The following STK24 variants were observed in gnomAD, a reference collection of about 807,000 sequenced individuals.
STK24 encodes serine/threonine-protein kinase 24.
A neutral mutation model predicts 55.6 loss-of-function variants in STK24; 21 were observed. That is an observed-to-expected ratio of 0.38 (90% CI 0.27 to 0.54). The LOEUF (loss-of-function observed/expected upper bound fraction) is 0.54, where lower values mean the gene tolerates loss of function less well. Ranked by LOEUF, STK24 falls within the 20% of genes least tolerant of loss-of-function variation. STK24 has a pLI of 0.79. For missense variants in STK24, 383 were observed against 538.4 expected (o/e 0.71, Z 2.86); for synonymous variants, 200 against 215.2 (o/e 0.93, Z 0.62).
chr13:98,518,300 T>G (rs1346793015), intron 2 of STK24, among the ~76,000 whole-genome samples: 1 of 152,224 alleles, frequency 6.6e-6, no homozygotes, highest in Non-Finnish European at 1.5e-5. Flanking sequence ...CACGCTCCCT[T>G]CTCACATCAG....
At chr13:98,564,118 C>T (rs919695657) in intron 1 of STK24, among the ~76,000 whole-genome samples, 1 of 152,108 alleles carries the variant, frequency 6.6e-6, no homozygotes, top group African/African-American at 2.4e-5. Flanking sequence ...ACATAAAAGC[C>T]AACATCCCAA....
chr13:98,468,806 C>T, intron 5 of STK24, among the ~76,000 whole-genome samples: 1 of 152,266 alleles, frequency 6.6e-6, no homozygotes, highest in East Asian at 1.9e-4. Flanking sequence ...GGATCCCCCT[C>T]ACCTCAAACA....
At chr13:98,515,101 GAAA>G (rs5806066) in intron 2 of STK24, among the ~76,000 whole-genome samples, 3 of 128,474 alleles carry the variant, frequency 2.3e-5, no homozygotes, top group African/African-American at 2.9e-5. Flanking sequence ...CAAACCCCCT[GAAA>G]AAAAAAAAAA....
intron 9 of STK24, among the ~76,000 whole-genome samples, chr13:98,459,729 A>G (rs1484065468): frequency 2.6e-5 from 4 of 152,290 alleles, no homozygotes; most frequent in Non-Finnish European, 4.4e-5. Flanking sequence ...AGTACCTCAA[A>G]GGCAGCCTCA....
At chr13:98,455,600 G>T in intron 10 of STK24, 1 of 152,408 alleles carries the variant, frequency 6.6e-6, no homozygotes, top group Non-Finnish European at 1.5e-5. Context: ...CACTGGTACA[G>T]ATCAACTTGC....
Position 98,450,466 on chromosome 13 carries a change from T to G in STK24, c.*2707A>C, listed in dbSNP as rs567835687. The G allele has an allele frequency of 6.6e-6, 1 of 152,322 alleles. No homozygotes were observed. Among genetic ancestry groups the G allele is most frequent in the Non-Finnish European group, 1.5e-5 (1 of 68,060 alleles). 9.4% of individuals were successfully genotyped at this position (152,322 alleles called of 1,614,324 possible). On this transcript the variant is annotated 3_prime_UTR_variant, in exon 11 of 11. Coordinates refer to ENST00000539966, the MANE Select transcript of STK24 (RefSeq NM_001032296.4). ...ATTGGATAAGGAAGGCAGATGCACTTCCAAGAAAATCAGAACCCAGCAAGA... is the reference window on the plus strand; with the variant it reads ...ATTGGATAAGGAAGGCAGATGCACTGCCAAGAAAATCAGAACCCAGCAAGA...
intron 1 of STK24, among the ~76,000 whole-genome samples, chr13:98,557,506 C>T (rs1897311946): frequency 6.6e-6 from 1 of 152,234 alleles, no homozygotes. Flanking sequence ...ATCCCTCCTC[C>T]TCCCCACCCA....
intron 2 of STK24, among the ~76,000 whole-genome samples, chr13:98,516,093 T>C (rs1347031597): frequency 6.6e-6 from 1 of 152,216 alleles, no homozygotes; most frequent in Non-Finnish European, 1.5e-5. Flanking sequence ...GGTCCCCTTC[T>C]GGGCCAAAGA....
chr13:98,489,400 G>A (rs1176908835), intron 2 of STK24, among the ~76,000 whole-genome samples: 1 of 152,220 alleles, frequency 6.6e-6, no homozygotes, highest in Admixed American at 6.5e-5. Flanking sequence ...AAAAGCTTAT[G>A]TGGTTGTTCC....
chr13:98,551,601 G>A (rs1467198991), intron 1 of STK24, among the ~76,000 whole-genome samples: 3 of 152,054 alleles, frequency 2.0e-5, no homozygotes, highest in Non-Finnish European at 4.4e-5. Context: ...ACTCTGTGAA[G>A]AGACCCACCT....
At position 98,446,739 on chromosome 13, in the gene STK24, A is replaced by AGAAAGACT; in HGVS notation, c.*6426_*6433dup. 1 of 1,614,160 alleles carries AGAAAGACT rather than the reference A, an allele frequency of 6.2e-7. No homozygotes were observed. The highest frequency in any genetic ancestry group is 1.3e-5 in the African/African-American group (1 of 75,044). On this transcript the variant is annotated 3_prime_UTR_variant, in exon 11 of 11. Transcript: ENST00000539966. ...ATCCCCTCTGAGTCCGAGAACATCC[A>AGAAAGACT]GAAAGACTACGTGTTCAAGCTGCAC...
intron 1 of STK24, among the ~76,000 whole-genome samples, chr13:98,558,593 T>C (rs117122253): frequency 4.7e-4 from 72 of 152,360 alleles, no homozygotes; most frequent in Admixed American, 7.8e-4. Flanking sequence ...ACTAGCTTCC[T>C]GCCTTCAGAA....
chr13:98,543,789 A>G (rs2139424172), intron 1 of STK24, among the ~76,000 whole-genome samples: 1 of 152,282 alleles, frequency 6.6e-6, no homozygotes, highest in Non-Finnish European at 1.5e-5. Flanking sequence ...CCGGTCATCA[A>G]TGGCTTCTAT....
intron 6 of STK24, among the ~76,000 whole-genome samples, chr13:98,465,580 C>G (rs1350530524): frequency 6.6e-6 from 1 of 152,230 alleles, no homozygotes; most frequent in African/African-American, 2.4e-5. Flanking sequence ...GCCTGCATCT[C>G]CTTAGACGTA....
At chr13:98,541,413 G>T (rs957408653) in intron 1 of STK24, among the ~76,000 whole-genome samples, 5 of 152,160 alleles carry the variant, frequency 3.3e-5, no homozygotes, top group African/African-American at 1.2e-4. Flanking sequence ...ACTATGAAGG[G>T]CAGTTTGTTC....
intron 1 of STK24, among the ~76,000 whole-genome samples, chr13:98,522,593 C>T (rs1296200813): frequency 2.6e-5 from 4 of 152,206 alleles, no homozygotes; most frequent in Non-Finnish European, 5.9e-5. Context: ...TCTTTCTACC[C>T]AGACATCTCT....
chr13:98,464,155 C>G (rs1407129923), intron 6 of STK24, among the ~76,000 whole-genome samples: 8 of 152,154 alleles, frequency 5.3e-5, no homozygotes, highest in African/African-American at 1.9e-4. Context: ...CAGTGGCTCA[C>G]GCCTGTAATC....
intron 3 of STK24, among the ~76,000 whole-genome samples, chr13:98,476,090 A>T (rs1166561789): frequency 6.6e-6 from 1 of 152,126 alleles, no homozygotes; most frequent in Non-Finnish European, 1.5e-5. Context: ...GAAAGCTTTT[A>T]TTCTCAGAAA....
intron 1 of STK24, chr13:98,521,890 C>A (rs769878029): frequency 2.3e-6 from 2 of 883,366 alleles, no homozygotes; most frequent in Non-Finnish European, 3.9e-6. Context: ...TCAGTAACCC[C>A]CTTCTCGCTC....
Sources: allele counts gnomAD v4.1 joint callset (sites outside exome capture counted in the v4.1 genomes callset), GRCh38; gene constraint gnomAD v4.1.1; transcripts MANE v1.5; gene names NCBI Gene and HGNC (gene_info 2026-07-23, HGNC 2026-07-21).